CDH13: variants seen among roughly 807,000 people sequenced by gnomAD.
The protein encoded by CDH13 is cadherin 13.
A neutral mutation model predicts 63.8 loss-of-function variants in CDH13; 24 were observed. That is an observed-to-expected ratio of 0.38 (90% CI 0.27 to 0.53). The LOEUF is 0.53. Ranked by LOEUF, CDH13 falls within the 20% of genes least tolerant of loss-of-function variation. The pLI, the probability that CDH13 is intolerant of heterozygous loss-of-function variation, is 0.85. For missense variants in CDH13, 1,049 were observed against 903.1 expected, an observed-to-expected ratio of 1.16 and a Z score of -2.07; for synonymous variants, 503 against 355.3, an observed-to-expected ratio of 1.42 and a Z score of -4.67.
chr16:83,677,178 C>T (rs1915026017), intron 9 of CDH13, among the ~76,000 whole-genome samples: 1 of 152,244 alleles, frequency 6.6e-6, no homozygotes, highest in Admixed American at 6.5e-5. Context: ...GCACCCACCA[C>T]ATCATGTGCT....
intron 4 of CDH13, among the ~76,000 whole-genome samples, chr16:83,134,596 A>T (rs1044696617): frequency 1.0e-5 from 1 of 97,332 alleles, no homozygotes; most frequent in Non-Finnish European, 2.1e-5. Context: ...AGAGAGAGTG[A>T]GTTACATGAC....
intron 1 of CDH13, among the ~76,000 whole-genome samples, chr16:82,663,990 G>A (rs1233378632): frequency 6.6e-6 from 1 of 152,120 alleles, no homozygotes. Flanking sequence ...GGACTCTTTT[G>A]GCTCCACTTC....
At chr16:82,913,387 T>A (rs1049584570) in intron 2 of CDH13, among the ~76,000 whole-genome samples, 2 of 152,170 alleles carry the variant, frequency 1.3e-5, no homozygotes, top group African/African-American at 2.4e-5. Flanking sequence ...TTTACCTTGA[T>A]CTACTGTGCT....
chr16:83,429,115 G>A (rs1401211134), intron 6 of CDH13, among the ~76,000 whole-genome samples: 1 of 152,170 alleles, frequency 6.6e-6, no homozygotes, highest in African/African-American at 2.4e-5. Flanking sequence ...TTTGGCAGTG[G>A]GAGAGGATAT....
intron 2 of CDH13, among the ~76,000 whole-genome samples, chr16:83,008,580 A>G (rs148487433): frequency 6.6e-6 from 1 of 152,306 alleles, no homozygotes; most frequent in East Asian, 1.9e-4. Flanking sequence ...GGTGGTTTTC[A>G]GTAGACGAGT....
intron 7 of CDH13, among the ~76,000 whole-genome samples, chr16:83,516,164 T>C (rs1326399689): frequency 6.6e-6 from 1 of 152,230 alleles, no homozygotes; most frequent in African/African-American, 2.4e-5. Context: ...ATTTGTTAGC[T>C]CAGGGGGGTT....
chr16:83,665,257 G>A (rs1913837088), intron 8 of CDH13, among the ~76,000 whole-genome samples: 1 of 152,160 alleles, frequency 6.6e-6, no homozygotes, highest in South Asian at 2.1e-4. Context: ...TGTGATAAGA[G>A]CAGAAAGAGT....
chr16:83,194,094 A>C (rs1239404614), intron 4 of CDH13, among the ~76,000 whole-genome samples: 4 of 152,218 alleles, frequency 2.6e-5, no homozygotes, highest in Non-Finnish European at 4.4e-5. Context: ...ACAATTTTCA[A>C]GGACAGCTCG....
At chr16:83,522,195 C>T (rs2074854170) in intron 7 of CDH13, among the ~76,000 whole-genome samples, 1 of 152,228 alleles carries the variant, frequency 6.6e-6, no homozygotes, top group Admixed American at 6.5e-5. Flanking sequence ...GCCTGCTCTG[C>T]TGCAGCCTCC....
chr16:82,735,745 CT>C (rs889224802), intron 1 of CDH13, among the ~76,000 whole-genome samples: 4 of 152,202 alleles, frequency 2.6e-5, no homozygotes, highest in African/African-American at 9.7e-5. Flanking sequence ...CAGTAAAGCA[CT>C]TTATCACATT....
At chr16:82,781,838 C>T (rs184422804) in intron 1 of CDH13, among the ~76,000 whole-genome samples, 54 of 152,218 alleles carry the variant, frequency 3.5e-4, no homozygotes, top group Admixed American at 1.9e-3. Flanking sequence ...GGATCTAGTA[C>T]GGGAGTATAT....
rs1279313308 is a variant in CDH13, at chr16:83,691,084, G to A, written c.1538+12623G>A. 4.3e-4 allele frequency among the ~76,000 whole-genome samples: 19 copies of A among 43,798 alleles called. No individual in the cohort carries two copies. In the East Asian group the frequency reaches 9.7e-3, roughly 22 times the overall value. The allele number at this position is 43,798 out of a possible 152,430, so 28.7% of individuals were successfully genotyped here. A position where few individuals can be genotyped will look rare whatever the true frequency, so the allele number is the denominator to read the frequency against. Reference sequence around the variant, plus strand: ...AACCAACTGTGCCGTGTGTGTGTGTGTGTGTGTGTGTGTGTGTGTGTGTGT... The same window carrying A: ...AACCAACTGTGCCGTGTGTGTGTGTATGTGTGTGTGTGTGTGTGTGTGTGT... On this transcript the variant is annotated intron_variant, in intron 10 of 13. Coordinates refer to ENST00000567109, the MANE Select transcript of CDH13 (RefSeq NM_001257.5).
chr16:82,979,074 T>C (rs1909914099), intron 2 of CDH13, among the ~76,000 whole-genome samples: 1 of 152,250 alleles, frequency 6.6e-6, no homozygotes, highest in Non-Finnish European at 1.5e-5. Context: ...ACTTTAAGGT[T>C]TAATGACTGC....
At chr16:82,691,760 C>T (rs1915668187) in intron 1 of CDH13, among the ~76,000 whole-genome samples, 1 of 152,110 alleles carries the variant, frequency 6.6e-6, no homozygotes. Context: ...GAAAGATGGT[C>T]TCCCCTCAAT....
chr16:83,584,283 C>T (rs1905928916), intron 7 of CDH13, among the ~76,000 whole-genome samples: 1 of 152,122 alleles, frequency 6.6e-6, no homozygotes, highest in Non-Finnish European at 1.5e-5. Flanking sequence ...GAGCTGAGAT[C>T]GTGCCACTGC....
intron 10 of CDH13, among the ~76,000 whole-genome samples, chr16:83,713,596 A>G (rs902927504): frequency 6.6e-6 from 1 of 152,122 alleles, no homozygotes; most frequent in Non-Finnish European, 1.5e-5. Flanking sequence ...ATGTTCATCT[A>G]TCGGCTGGGA....
intron 1 of CDH13, among the ~76,000 whole-genome samples, chr16:82,685,723 G>A (rs1914999586): frequency 1.3e-5 from 2 of 152,216 alleles, no homozygotes; most frequent in African/African-American, 4.8e-5. Context: ...GGCTCAGGCA[G>A]CTTTCGCTTC....
chr16:83,179,151 C>T (rs1157982444), intron 4 of CDH13, among the ~76,000 whole-genome samples: 1 of 152,076 alleles, frequency 6.6e-6, no homozygotes, highest in Non-Finnish European at 1.5e-5. Flanking sequence ...TGGAAAACTG[C>T]CTTAGTAAGG....
chr16:83,114,955 C>T (rs139047200), intron 3 of CDH13, among the ~76,000 whole-genome samples: 77 of 152,346 alleles, frequency 5.1e-4, no homozygotes, highest in African/African-American at 1.8e-3. Flanking sequence ...CAGTTCCATT[C>T]ATTTGCAAAA....
Sources: allele counts gnomAD v4.1 joint callset (sites outside exome capture counted in the v4.1 genomes callset), GRCh38; gene constraint gnomAD v4.1.1; transcripts MANE v1.5; gene names NCBI Gene and HGNC (gene_info 2026-07-23, HGNC 2026-07-21).